The following NLGN1 variants were observed in gnomAD, a reference collection of about 807,000 sequenced individuals.
NLGN1 encodes neuroligin-1.
In NLGN1, 12 loss-of-function variants were observed where a neutral mutation model predicts 65.5. The observed-to-expected ratio is 0.18, with a 90% CI of 0.12 to 0.30. The LOEUF is 0.30. NLGN1 is among the 10% of genes least tolerant of loss of function. The probability of loss-of-function intolerance (pLI) is 1.00; values close to 1 mark genes in which losing one functional copy is unlikely to be tolerated. For missense variants in NLGN1, 750 were observed against 1,007.1 expected (o/e 0.74, Z 3.46); for synonymous variants, 350 against 359.5 (o/e 0.97, Z 0.30).
At chr3:173,403,588 G>T (rs1031526863) in intron 1 of NLGN1, among the ~76,000 whole-genome samples, 1 of 152,076 alleles carries the variant, frequency 6.6e-6, no homozygotes, top group African/African-American at 2.4e-5. Context: ...CTCTCTCATT[G>T]AACATTATGA....
chr3:174,259,747 A>C (rs1449168934), intron 4 of NLGN1, among the ~76,000 whole-genome samples: 3 of 151,382 alleles, frequency 2.0e-5, no homozygotes, highest in Non-Finnish European at 2.9e-5. Context: ...GGTTAGTTAC[A>C]TATGTATACA....
At chr3:173,404,125 A>G (rs1718192244) in intron 1 of NLGN1, among the ~76,000 whole-genome samples, 1 of 152,144 alleles carries the variant, frequency 6.6e-6, no homozygotes, top group African/African-American at 2.4e-5. Context: ...CATTATATTT[A>G]TTTTGCTGTA....
chr3:173,471,057 A>G (rs144167561), intron 2 of NLGN1, among the ~76,000 whole-genome samples: 76 of 152,208 alleles, frequency 5.0e-4, no homozygotes, highest in African/African-American at 1.8e-3. Context: ...TGGATCAAAT[A>G]AAAGAATTAG....
At chr3:173,398,584 T>C (rs1717052428) in intron 1 of NLGN1, 5 of 152,228 alleles carry the variant, frequency 3.3e-5, no homozygotes, top group Admixed American at 3.3e-4. Flanking sequence ...TAGTGTGTTA[T>C]AGAGATGAGG....
chr3:174,112,420 G>GA (rs1280895857), intron 4 of NLGN1, among the ~76,000 whole-genome samples: 1 of 151,812 alleles, frequency 6.6e-6, no homozygotes, highest in East Asian at 1.9e-4. Flanking sequence ...TGAACTTCTT[G>GA]GATAGAATCA....
Position 174,206,031 on chromosome 3 carries a change from G to C in NLGN1, c.647-69284G>C, listed in dbSNP as rs190880843. On this transcript the variant is annotated intron_variant, in intron 4 of 6. Transcript: ENST00000457714. ...AAATTATGTGATTAATTTGTTCACT[G>C]TAGAACCCAAAATCAAATTTAGCAA... Among the ~76,000 whole-genome samples the C allele has an allele frequency of 7.9e-5, 12 of 152,250 alleles. No individual in the cohort carries two copies. In the East Asian group the frequency reaches 1.7e-3, roughly 22 times the overall value.
chr3:173,826,873 G>T (rs983324584), intron 4 of NLGN1, among the ~76,000 whole-genome samples: 1 of 152,078 alleles, frequency 6.6e-6, no homozygotes, highest in Admixed American at 6.6e-5. Flanking sequence ...GCAGAAAAAG[G>T]TCTCTGGTTT....
intron 4 of NLGN1, among the ~76,000 whole-genome samples, chr3:174,210,564 A>G (rs868721664): frequency 6.6e-6 from 1 of 152,186 alleles, no homozygotes; most frequent in Non-Finnish European, 1.5e-5. Flanking sequence ...TAAAAGCTGC[A>G]AAAAGCTTGA....
At chr3:173,400,808 A>T (rs534755906) in intron 1 of NLGN1, among the ~76,000 whole-genome samples, 17 of 152,344 alleles carry the variant, frequency 1.1e-4, no homozygotes, top group African/African-American at 3.8e-4. Flanking sequence ...ATGTCTGAAC[A>T]TAGAGTCTAC....
intron 4 of NLGN1, among the ~76,000 whole-genome samples, chr3:173,896,471 AC>A (rs1218705673): frequency 6.6e-6 from 1 of 152,180 alleles, no homozygotes; most frequent in Non-Finnish European, 1.5e-5. Context: ...GAATAGACTT[AC>A]ATTTCTCCTG....
intron 4 of NLGN1, among the ~76,000 whole-genome samples, chr3:173,986,455 CA>C (rs1560782099): frequency 6.6e-6 from 1 of 151,798 alleles, no homozygotes; most frequent in African/African-American, 2.4e-5. Context: ...GGCAACAGAG[CA>C]AGACTCCATC....
chr3:173,791,646 T>G (rs766749105), intron 3 of NLGN1, among the ~76,000 whole-genome samples: 1 of 152,070 alleles, frequency 6.6e-6, no homozygotes, highest in East Asian at 1.9e-4. Flanking sequence ...GTAATATGAT[T>G]ATTAAAAAAA....
intron 4 of NLGN1, among the ~76,000 whole-genome samples, chr3:173,938,745 T>C (rs1039746057): frequency 1.5e-4 from 23 of 152,110 alleles, no homozygotes; most frequent in African/African-American, 5.3e-4. Flanking sequence ...TTAGCCCCCC[T>C]CTTTTCTACT....
At chr3:173,572,952 C>G (rs1240371650) in intron 2 of NLGN1, among the ~76,000 whole-genome samples, 6 of 152,144 alleles carry the variant, frequency 3.9e-5, no homozygotes, top group Admixed American at 3.9e-4. Flanking sequence ...AGAACTAAAG[C>G]TACCCCAAGT....
chr3:173,612,046 T>C (rs898872197), intron 3 of NLGN1, among the ~76,000 whole-genome samples: 10 of 152,060 alleles, frequency 6.6e-5, no homozygotes, highest in Non-Finnish European at 1.5e-4. Flanking sequence ...ATTACACATT[T>C]TGTAGATAAT....
intron 4 of NLGN1, among the ~76,000 whole-genome samples, chr3:173,894,468 T>A (rs1194783400): frequency 6.6e-6 from 1 of 152,178 alleles, no homozygotes; most frequent in Admixed American, 6.5e-5. Flanking sequence ...ATGATTTACA[T>A]AAATTGAATC....
chr3:173,894,259 C>A (rs1735933417), intron 4 of NLGN1, among the ~76,000 whole-genome samples: 3 of 152,160 alleles, frequency 2.0e-5, no homozygotes, highest in Admixed American at 2.0e-4. Context: ...ATCAAACACA[C>A]TACCTAGCAA....
intron 4 of NLGN1, among the ~76,000 whole-genome samples, chr3:173,828,409 T>A (rs983250221): frequency 6.6e-6 from 1 of 152,040 alleles, no homozygotes; most frequent in African/African-American, 2.4e-5. Flanking sequence ...GGCAGATAAG[T>A]GGGAGCTGTC....
chr3:174,261,736 G>C (rs1401078801), intron 4 of NLGN1, among the ~76,000 whole-genome samples: 1 of 143,004 alleles, frequency 7.0e-6, no homozygotes, highest in Non-Finnish European at 1.5e-5. Flanking sequence ...TAGGAGTGGT[G>C]AGAGAGGGCA....
Sources: allele counts gnomAD v4.1 joint callset (sites outside exome capture counted in the v4.1 genomes callset), GRCh38; gene constraint gnomAD v4.1.1; transcripts MANE v1.5; gene names NCBI Gene and HGNC (gene_info 2026-07-23, HGNC 2026-07-21).